FA2H: variants seen among roughly 807,000 people sequenced by gnomAD.
The protein encoded by FA2H is fatty acid 2-hydroxylase.
In FA2H, 22 loss-of-function variants were observed where a neutral mutation model predicts 44.9. The ratio of observed to expected loss-of-function variants is 0.49; its 90% CI spans 0.35 to 0.70. The LOEUF is 0.70. FA2H is among the 30% of genes least tolerant of loss of function. FA2H has a pLI of 0.01. For synonymous variants in FA2H, 243 were observed against 213.2 expected (o/e 1.14, Z -1.22); for missense variants, 501 against 504.9 (o/e 0.99, Z 0.07).
At chr16:74,725,803 C>T (rs1240131370) in intron 4 of FA2H, among the ~76,000 whole-genome samples, 2 of 152,168 alleles carry the variant, frequency 1.3e-5, no homozygotes, top group South Asian at 2.1e-4. Context: ...TCTTTCTCTC[C>T]CAAGTTCTCT....
chr16:74,740,260 T>A, intron 1 of FA2H, 145 bp from the exon 2 acceptor site: 2 of 719,848 alleles, frequency 2.8e-6, no homozygotes, highest in Non-Finnish European at 5.1e-6. Flanking sequence ...GCTGGGTACT[T>A]TGGAAAACAG....
chr16:74,745,585 T>A (rs1176372918), intron 1 of FA2H, among the ~76,000 whole-genome samples: 3 of 152,188 alleles, frequency 2.0e-5, no homozygotes, highest in Admixed American at 1.3e-4. Context: ...CAAGAGCCAC[T>A]GGACGTGCCG....
rs545792063 is a variant in FA2H at position 74,758,283 on chromosome 16, G to C, written c.270+16203C>G. 9.9e-5 allele frequency among the ~76,000 whole-genome samples: 15 copies of C among 151,646 alleles called. No homozygotes were observed. In the South Asian group the frequency reaches 2.1e-3, roughly 21 times the overall value. On this transcript the variant is annotated intron_variant, in intron 1 of 6. Transcript: ENST00000219368. The stretch of plus-strand genomic sequence containing the variant: ...TTATAGGCGCACACCACCACACCCG[G>C]CTAATTTTTTGTATTTTTAGTAGAG...
intron 1 of FA2H, among the ~76,000 whole-genome samples, chr16:74,751,163 C>T (rs867033996): frequency 6.6e-6 from 1 of 151,968 alleles, no homozygotes; most frequent in African/African-American, 2.4e-5. Flanking sequence ...GGCTCAATCT[C>T]GGCTCACTGC....
chr16:74,755,028 C>A (rs1440080173), intron 1 of FA2H, among the ~76,000 whole-genome samples: 1 of 152,198 alleles, frequency 6.6e-6, no homozygotes, highest in Non-Finnish European at 1.5e-5. Context: ...CACCAAAGGA[C>A]AGCAGCCCCC....
intron 1 of FA2H, among the ~76,000 whole-genome samples, chr16:74,770,600 G>A (rs1437155718): frequency 6.6e-6 from 1 of 152,042 alleles, no homozygotes; most frequent in Non-Finnish European, 1.5e-5. Flanking sequence ...CGAACTCCTG[G>A]GCTCAAGTGA....
intron 1 of FA2H, among the ~76,000 whole-genome samples, chr16:74,744,677 C>G (rs1452790082): frequency 2.0e-5 from 3 of 152,082 alleles, no homozygotes; most frequent in African/African-American, 7.2e-5. Context: ...CTCTTGAACT[C>G]CCACGTTCAA....
intron 1 of FA2H, among the ~76,000 whole-genome samples, chr16:74,742,082 C>T (rs1244607542): frequency 6.6e-6 from 1 of 151,994 alleles, no homozygotes; most frequent in Admixed American, 6.6e-5. Context: ...ATTTCTGTTT[C>T]CTGTTTCCAG....
At chr16:74,758,117 CTTTTTT>C (rs71378706) in intron 1 of FA2H, among the ~76,000 whole-genome samples, 3 of 113,574 alleles carry the variant, frequency 2.6e-5, no homozygotes, top group Non-Finnish European at 1.7e-5. Flanking sequence ...GGAAACAATT[CTTTTTT>C]TTTTTTTTTT....
intron 1 of FA2H, among the ~76,000 whole-genome samples, chr16:74,764,131 CAGAG>C (rs1962763154): frequency 6.6e-6 from 1 of 152,090 alleles, no homozygotes. Flanking sequence ...CTTTTTCCAT[CAGAG>C]AGAAAGAGCA....
intron 3 of FA2H, among the ~76,000 whole-genome samples, 165 bp downstream of exon 3, chr16:74,727,079 T>C (rs896456387): frequency 2.0e-5 from 3 of 152,198 alleles, no homozygotes; most frequent in African/African-American, 7.2e-5. Flanking sequence ...GACAAAACCA[T>C]GCATAGGGAT....
intron 1 of FA2H, among the ~76,000 whole-genome samples, chr16:74,741,035 T>A (rs1962285447): frequency 6.6e-6 from 1 of 152,128 alleles, no homozygotes. Context: ...CAAGGTTAAA[T>A]CGAACTCACA....
chr16:74,734,107 A>C (rs1962133653), intron 2 of FA2H, among the ~76,000 whole-genome samples: 1 of 152,008 alleles, frequency 6.6e-6, no homozygotes, highest in Non-Finnish European at 1.5e-5. Flanking sequence ...TTTACTTCTT[A>C]TGTCCCAAGG....
intron 1 of FA2H, among the ~76,000 whole-genome samples, chr16:74,756,937 T>C (rs956766847): frequency 2.0e-5 from 3 of 151,514 alleles, no homozygotes; most frequent in African/African-American, 7.3e-5. Context: ...AGTAGGAAAC[T>C]GAAATATTTT....
chr16:74,731,439 C>T (rs532832053), intron 2 of FA2H, among the ~76,000 whole-genome samples: 3 of 152,128 alleles, frequency 2.0e-5, no homozygotes, highest in Admixed American at 6.5e-5. Context: ...CCACCACACC[C>T]GGCCATCTCT....
intron 4 of FA2H, among the ~76,000 whole-genome samples, chr16:74,721,062 T>C (rs575466268): frequency 3.1e-4 from 47 of 152,366 alleles, no homozygotes; most frequent in African/African-American, 1.1e-3. Context: ...ATGTTGTCCT[T>C]TCTCTTGGGT....
intron 1 of FA2H, among the ~76,000 whole-genome samples, chr16:74,752,431 C>T (rs111840431): frequency 6.6e-6 from 1 of 152,308 alleles, no homozygotes; most frequent in Admixed American, 6.5e-5. Context: ...CTCCATCCCT[C>T]CCCATGCTCC....
intron 2 of FA2H, among the ~76,000 whole-genome samples, chr16:74,737,793 C>T (rs895497512): frequency 2.0e-5 from 3 of 152,142 alleles, no homozygotes; most frequent in Non-Finnish European, 4.4e-5. Flanking sequence ...GACAAAGCTG[C>T]CACCTTCATG....
chr16:74,719,766 G>T (rs1961788367), intron 4 of FA2H, among the ~76,000 whole-genome samples: 1 of 151,790 alleles, frequency 6.6e-6, no homozygotes, highest in African/African-American at 2.4e-5. Context: ...ATGTTGCCCA[G>T]GCTGGTCTCA....
Sources: allele counts gnomAD v4.1 joint callset (sites outside exome capture counted in the v4.1 genomes callset), GRCh38; gene constraint gnomAD v4.1.1; transcripts MANE v1.5; gene names NCBI Gene and HGNC (gene_info 2026-07-23, HGNC 2026-07-21).